Variants in STK3 observed in about 807,000 individuals in gnomAD.
The protein encoded by STK3 is serine/threonine-protein kinase 3.
STK3 carries 41 observed loss-of-function variants against 58.0 expected under a neutral mutation model. The ratio of observed to expected loss-of-function variants is 0.71; its 90% confidence interval spans 0.55 to 0.92. The LOEUF (loss-of-function observed/expected upper bound fraction) is 0.92, where lower values mean the gene tolerates loss of function less well. Ranked by LOEUF, STK3 falls within the 40% of genes least tolerant of loss-of-function variation. The probability of loss-of-function intolerance (pLI) is 0.00; values close to 1 mark genes in which losing one functional copy is unlikely to be tolerated. For missense variants in STK3, 479 were observed against 602.7 expected (o/e 0.79, Z 2.15); for synonymous variants, 170 against 191.0 (o/e 0.89, Z 0.91).
intron 6 of STK3, among the ~76,000 whole-genome samples, chr8:98,693,964 C>T (rs1824624926): frequency 6.6e-6 from 1 of 152,110 alleles, no homozygotes; most frequent in Admixed American, 6.6e-5. Context: ...GTGGACATAA[C>T]CACATTTTTT....
At chr8:98,643,458 T>C (rs1820174654) in intron 6 of STK3, among the ~76,000 whole-genome samples, 1 of 152,174 alleles carries the variant, frequency 6.6e-6, no homozygotes, top group Non-Finnish European at 1.5e-5. Context: ...GATGGCTCAC[T>C]CCCTTGTGTG....
At chr8:98,575,097 A>C (rs1031626134) in intron 8 of STK3, among the ~76,000 whole-genome samples, 1 of 152,180 alleles carries the variant, frequency 6.6e-6, no homozygotes, top group East Asian at 1.9e-4. Flanking sequence ...AAGGAACATT[A>C]TCTCTATCTG....
At chr8:98,481,366 A>G (rs1190237903) in intron 10 of STK3, among the ~76,000 whole-genome samples, 1 of 152,194 alleles carries the variant, frequency 6.6e-6, no homozygotes, top group Non-Finnish European at 1.5e-5. Flanking sequence ...TCATCTACAG[A>G]TGAGTGGATA....
At chr8:98,443,627 C>G (rs1818782649) in intron 1 of STK3, among the ~76,000 whole-genome samples, 1 of 152,150 alleles carries the variant, frequency 6.6e-6, no homozygotes, top group Admixed American at 6.5e-5. Context: ...ATGGGCGGAT[C>G]AGTTGAGGTC....
chr8:98,829,034 A>G (rs1274682979), upstream of STK3, among the ~76,000 whole-genome samples: 1 of 152,136 alleles, frequency 6.6e-6, no homozygotes, highest in Non-Finnish European at 1.5e-5. Context: ...GCTAATATGT[A>G]TGGCTGACAT....
At chr8:98,535,997 G>A (rs1809729521) in intron 9 of STK3, among the ~76,000 whole-genome samples, 1 of 152,128 alleles carries the variant, frequency 6.6e-6, no homozygotes, top group Non-Finnish European at 1.5e-5. Flanking sequence ...CAACAGAAAG[G>A]GGAGAAGCAG....
At chr8:98,937,439 G>T (rs1311069954) in intron 1 of STK3, among the ~76,000 whole-genome samples, 2 of 152,120 alleles carry the variant, frequency 1.3e-5, no homozygotes, top group African/African-American at 2.4e-5. Flanking sequence ...TTCTCTCCTT[G>T]ACTTATAAAA....
intron 3 of STK3, among the ~76,000 whole-genome samples, chr8:98,750,961 TA>T (rs1483669738): frequency 8.5e-5 from 13 of 152,160 alleles, no homozygotes; most frequent in Non-Finnish European, 1.9e-4. Context: ...TACAAATCAA[TA>T]AATGTGATTC....
At chr8:98,904,715 C>T (rs917200044) in intron 1 of STK3, 26 of 816,318 alleles carry the variant, frequency 3.2e-5, no homozygotes, top group Middle Eastern at 5.0e-4. Context: ...TGGCCCATAA[C>T]CGTAGCCCTC....
chr8:98,813,237 C>T (rs1391960830), intron 1 of STK3, among the ~76,000 whole-genome samples: 2 of 152,112 alleles, frequency 1.3e-5, no homozygotes, highest in Non-Finnish European at 2.9e-5. Flanking sequence ...AAATAACTTG[C>T]CCACCACTGC....
intron 6 of STK3, among the ~76,000 whole-genome samples, chr8:98,600,160 C>A (rs1388463466): frequency 6.6e-6 from 1 of 152,102 alleles, no homozygotes. Flanking sequence ...CAGTAGCAAT[C>A]ATTAATCTGG....
rs1830931205 is a variant in STK3, at chr8:98,766,143, CCTT to C, written c.236+1097_236+1099del. Among the ~76,000 whole-genome samples, 4 of 152,292 alleles carry C rather than the reference CCTT, an allele frequency of 2.6e-5. No individual in the cohort carries two copies. In the South Asian group the frequency reaches 8.3e-4, roughly 32 times the overall value. ...TCCACTGGCTGAGGAAGATGCCCTG[CCTT>C]CTTCTTTTCACATTACCCCATGCAC... On this transcript the variant is annotated intron_variant, in intron 3 of 10. Transcript: ENST00000419617.
intron 6 of STK3, chr8:98,602,334 G>A (rs527829296): frequency 2.4e-4 from 36 of 152,284 alleles, no homozygotes; most frequent in African/African-American, 7.5e-4. Context: ...TGGAATTAAT[G>A]CCCTCATAAA....
At chr8:98,883,833 G>C (rs1837884955) in exon 2 of STK3, 7 of 662,450 alleles carry the variant, frequency 1.1e-5, no homozygotes, top group Non-Finnish European at 1.9e-5. Context: ...ACATTGAATG[G>C]CCTATTTGGA....
At chr8:98,583,845 A>ATGTGTGTG (rs529496460) in intron 7 of STK3, among the ~76,000 whole-genome samples, 38 of 144,750 alleles carry the variant, frequency 2.6e-4, no homozygotes, top group Non-Finnish European at 4.1e-4. Flanking sequence ...GAGAGAGTGT[A>ATGTGTGTG]TGTGTGTGTG....
intron 4 of STK3, among the ~76,000 whole-genome samples, chr8:98,738,431 C>A (rs1828815795): frequency 6.6e-6 from 1 of 152,030 alleles, no homozygotes; most frequent in African/African-American, 2.4e-5. Context: ...CAAGATCACG[C>A]CATTGCACTC....
chr8:98,556,015 T>C (rs1586851677), intron 8 of STK3, among the ~76,000 whole-genome samples: 1 of 152,086 alleles, frequency 6.6e-6, no homozygotes, highest in East Asian at 1.9e-4. Flanking sequence ...AAAGTCTACA[T>C]CCTCAGCAAA....
intron 3 of STK3, among the ~76,000 whole-genome samples, chr8:98,408,685 C>CA (rs1818023753): frequency 6.6e-6 from 1 of 152,188 alleles, no homozygotes; most frequent in Admixed American, 6.5e-5. Context: ...AATGTTAGAT[C>CA]AGAAAAAGAA....
intron 6 of STK3, among the ~76,000 whole-genome samples, chr8:98,689,021 A>G (rs1381659875): frequency 6.6e-6 from 1 of 152,208 alleles, no homozygotes; most frequent in African/African-American, 2.4e-5. Context: ...AGCTAGATTA[A>G]AAAAGGAAAG....
Sources: allele counts gnomAD v4.1 joint callset (sites outside exome capture counted in the v4.1 genomes callset), GRCh38; gene constraint gnomAD v4.1.1; transcripts MANE v1.5; gene names NCBI Gene and HGNC (gene_info 2026-07-23, HGNC 2026-07-21).